The following TMEM150C variants were observed in gnomAD, a reference collection of about 807,000 sequenced individuals.
TMEM150C encodes tentonin 3.
In TMEM150C, 10 loss-of-function variants were observed where a neutral mutation model predicts 29.9. That is an observed-to-expected ratio of 0.33 (90% confidence interval 0.21 to 0.57). The LOEUF is 0.57. Ranked by LOEUF, TMEM150C falls within the 20% of genes least tolerant of loss-of-function variation. The pLI is 0.88. For synonymous variants in TMEM150C, 101 were observed against 112.5 expected, an observed-to-expected ratio of 0.90 and a Z score of 0.64; for missense variants, 251 against 303.6, an observed-to-expected ratio of 0.83 and a Z score of 1.29.
chr4:82,560,506 C>G (rs180896592), intron 1 of TMEM150C, among the ~76,000 whole-genome samples: 1 of 152,332 alleles, frequency 6.6e-6, no homozygotes, highest in Admixed American at 6.5e-5. Flanking sequence ...ACATTTCTAG[C>G]TCATTAATAG....
chr4:82,491,087 G>A (rs1723328278), intron 6 of TMEM150C: 1 of 709,710 alleles, frequency 1.4e-6, no homozygotes, highest in Non-Finnish European at 2.6e-6. Context: ...TGCAGCAAGA[G>A]ACCCCCATTT....
intron 5 of TMEM150C, 79 bp from the exon 6 acceptor site, chr4:82,496,274 A>AT (rs1219179166): frequency 2.2e-6 from 3 of 1,369,434 alleles, no homozygotes; most frequent in Admixed American, 2.2e-5. Flanking sequence ...TATTATTATT[A>AT]TTTTTTTATG....
intron 6 of TMEM150C, among the ~76,000 whole-genome samples, chr4:82,491,899 G>A (rs1723363098): frequency 6.6e-6 from 1 of 150,788 alleles, no homozygotes. Flanking sequence ...CTTCACGCTT[G>A]CAAAACTGGC....
chr4:82,534,079 A>G (rs572315906), intron 1 of TMEM150C, among the ~76,000 whole-genome samples: 167 of 150,172 alleles, frequency 1.1e-3, no homozygotes, highest in African/African-American at 4.2e-3. Flanking sequence ...GCTATTCTAG[A>G]AAATAAAACT....
intron 1 of TMEM150C, among the ~76,000 whole-genome samples, chr4:82,521,841 G>C (rs967036360): frequency 4.6e-5 from 7 of 152,186 alleles, no homozygotes; most frequent in Non-Finnish European, 1.0e-4. Flanking sequence ...AGGAGGCCAT[G>C]CTTGGGCAAT....
At chr4:82,494,992 T>C in intron 6 of TMEM150C, 1 of 772,258 alleles carries the variant, frequency 1.3e-6, no homozygotes, top group Non-Finnish European at 2.1e-6. Context: ...TTTTTCTTAG[T>C]ACACTGCTTC....
chr4:82,495,560 A>T, intron 6 of TMEM150C: 1 of 354,704 alleles, frequency 2.8e-6, no homozygotes, highest in Non-Finnish European at 5.5e-6. Flanking sequence ...AAAGTTGAGA[A>T]TGCTCAGATT....
At chr4:82,490,943 T>C (rs1279916267) in intron 6 of TMEM150C, 5 of 726,570 alleles carry the variant, frequency 6.9e-6, no homozygotes, top group Non-Finnish European at 1.0e-5. Flanking sequence ...CGGATCTGTT[T>C]TTGTAATTGG....
At chr4:82,507,113 C>T (rs1022953744) in intron 1 of TMEM150C, among the ~76,000 whole-genome samples, 2 of 152,196 alleles carry the variant, frequency 1.3e-5, no homozygotes, top group South Asian at 4.1e-4. Context: ...ATGTCAAGGA[C>T]AGAGTGGCAG....
At chr4:82,560,981 C>A (rs1250090985) in intron 1 of TMEM150C, among the ~76,000 whole-genome samples, 3 of 152,184 alleles carry the variant, frequency 2.0e-5, no homozygotes. Context: ...TTCCCACATG[C>A]GGTCACAATC....
At chr4:82,528,172 T>C (rs1022950300) in intron 1 of TMEM150C, among the ~76,000 whole-genome samples, 6 of 152,206 alleles carry the variant, frequency 3.9e-5, no homozygotes, top group Non-Finnish European at 5.9e-5. Flanking sequence ...AGTCATTAGT[T>C]CTAACTGACA....
intron 5 of TMEM150C, among the ~76,000 whole-genome samples, chr4:82,497,224 A>G (rs1387741004): frequency 1.3e-5 from 2 of 152,200 alleles, no homozygotes; most frequent in Non-Finnish European, 2.9e-5. Context: ...TAGTCTATAA[A>G]TGATGAAAAA....
intron 1 of TMEM150C, among the ~76,000 whole-genome samples, chr4:82,539,989 T>G (rs944484475): frequency 1.3e-5 from 2 of 152,076 alleles, no homozygotes; most frequent in African/African-American, 2.4e-5. Flanking sequence ...TTAAGGAGAT[T>G]AGTTTGGAAT....
rs558708839 is a variant in TMEM150C at position 82,515,924 on chromosome 4, C to T, written c.-10-11257G>A. 5.9e-5 allele frequency among the ~76,000 whole-genome samples: 9 copies of T among 152,162 alleles called. No homozygotes were observed. The South Asian group carries it at 1.7e-3, about 28-fold the overall frequency. ...CTGGTCTACAGCTTTGAAATAGCAT[C>T]ACAGCAACCCTCTTTCTGGCCCATA... On this transcript the variant is annotated intron_variant, in intron 1 of 7. Coordinates refer to ENST00000449862, the MANE Select transcript of TMEM150C (RefSeq NM_001080506.3).
intron 1 of TMEM150C, among the ~76,000 whole-genome samples, chr4:82,507,735 T>TTTTTTTTTTTTTTG: frequency 3.8e-5 from 1 of 26,086 alleles, no homozygotes; most frequent in Non-Finnish European, 5.8e-5. Flanking sequence ...CTCTTTTTTT[T>TTTTTTTTTTTTTTG]TTTTTTTTTT....
intron 7 of TMEM150C, among the ~76,000 whole-genome samples, chr4:82,489,187 C>T (rs1164132895): frequency 1.3e-5 from 2 of 150,546 alleles, no homozygotes; most frequent in East Asian, 3.9e-4. Context: ...TCTGATTACT[C>T]CACTCCATGG....
intron 1 of TMEM150C, among the ~76,000 whole-genome samples, chr4:82,524,651 G>T (rs1373470621): frequency 6.6e-6 from 1 of 152,210 alleles, no homozygotes; most frequent in Non-Finnish European, 1.5e-5. Flanking sequence ...CTGTTGGGTA[G>T]TAGGAAGGTA....
At chr4:82,524,509 T>C (rs964363499) in intron 1 of TMEM150C, among the ~76,000 whole-genome samples, 4 of 152,338 alleles carry the variant, frequency 2.6e-5, no homozygotes, top group Admixed American at 2.0e-4. Context: ...CAGCTTTCTT[T>C]AGTCTCTGCA....
chr4:82,535,912 G>A (rs939867673), intron 1 of TMEM150C, among the ~76,000 whole-genome samples: 3 of 152,092 alleles, frequency 2.0e-5, no homozygotes, highest in African/African-American at 7.2e-5. Flanking sequence ...GCCTCTACAC[G>A]TTAGATGTAT....
Sources: allele counts gnomAD v4.1 joint callset (sites outside exome capture counted in the v4.1 genomes callset), GRCh38; gene constraint gnomAD v4.1.1; transcripts MANE v1.5; gene names NCBI Gene and HGNC (gene_info 2026-07-23, HGNC 2026-07-21).